SMURF2: variants seen among roughly 807,000 people sequenced by gnomAD.
SMURF2 encodes E3 ubiquitin-protein ligase SMURF2.
In SMURF2, 48 loss-of-function variants were observed where a neutral mutation model predicts 109.6. The ratio of observed to expected loss-of-function variants is 0.44; its 90% CI spans 0.35 to 0.56. SMURF2 has a LOEUF of 0.56. Ranked by LOEUF, SMURF2 falls within the 20% of genes least tolerant of loss-of-function variation. The pLI, the probability that SMURF2 is intolerant of heterozygous loss-of-function variation, is 0.01. For synonymous variants in SMURF2, 288 were observed against 317.1 expected, an observed-to-expected ratio of 0.91 and a Z score of 0.97; for missense variants, 575 against 909.0, an observed-to-expected ratio of 0.63 and a Z score of 4.72.
chr17:64,591,249 C>CA, intron 4 of SMURF2, 100 bp from the exon 5 acceptor site: 1 of 841,932 alleles, frequency 1.2e-6, no homozygotes, highest in Non-Finnish European at 1.9e-6. Flanking sequence ...CATTAGAAAT[C>CA]AAACCTATCA....
At chr17:64,642,464 T>C (rs1555692653) in intron 1 of SMURF2, among the ~76,000 whole-genome samples, 1 of 152,236 alleles carries the variant, frequency 6.6e-6, no homozygotes, top group Non-Finnish European at 1.5e-5. Context: ...TAGTTATTTA[T>C]TATGGCCTAA....
intron 17 of SMURF2, among the ~76,000 whole-genome samples, chr17:64,546,599 C>A (rs1484254302): frequency 6.6e-6 from 1 of 152,178 alleles, no homozygotes; most frequent in East Asian, 1.9e-4. Context: ...TTCTCAATTT[C>A]TATCTTTTAT....
intron 15 of SMURF2, among the ~76,000 whole-genome samples, chr17:64,552,276 A>G (rs1969056291): frequency 6.6e-6 from 1 of 152,234 alleles, no homozygotes; most frequent in Non-Finnish European, 1.5e-5. Flanking sequence ...ATGTAATTTT[A>G]CCAATAAAAA....
intron 1 of SMURF2, among the ~76,000 whole-genome samples, chr17:64,636,634 C>T (rs1158341933): frequency 3.8e-5 from 5 of 132,952 alleles, no homozygotes; most frequent in Non-Finnish European, 7.9e-5. Context: ...AAAAAATTAG[C>T]TGGGCATGGT....
At chr17:64,632,027 G>A (rs539000418) in intron 1 of SMURF2, among the ~76,000 whole-genome samples, 18 of 135,304 alleles carry the variant, frequency 1.3e-4, no homozygotes, top group East Asian at 1.1e-3. Context: ...TTGCGATCTC[G>A]GCTCACTGCC....
At chr17:64,603,921 T>C (rs1427055800) in intron 2 of SMURF2, among the ~76,000 whole-genome samples, 4 of 152,356 alleles carry the variant, frequency 2.6e-5, no homozygotes, top group South Asian at 2.1e-4. Context: ...CATCACCCTA[T>C]AGTCGTACTT....
chr17:64,579,777 T>C (rs1044797730), intron 8 of SMURF2, among the ~76,000 whole-genome samples: 3 of 152,172 alleles, frequency 2.0e-5, no homozygotes, highest in Admixed American at 6.5e-5. Context: ...GAGGATAAAA[T>C]TGAGGCTCAA....
chr17:64,548,684 G>A (rs781875019), intron 16 of SMURF2, among the ~76,000 whole-genome samples: 2 of 152,028 alleles, frequency 1.3e-5, no homozygotes, highest in Non-Finnish European at 2.9e-5. Flanking sequence ...CACTACACCT[G>A]GCCTACATTT....
rs990617932 is a variant in SMURF2 at position 64,579,167 on chromosome 17, G to A, written c.773-591C>T. 3.3e-5 allele frequency among the ~76,000 whole-genome samples: 5 copies of A among 152,146 alleles called. No individual in the cohort carries two copies. In the East Asian group the frequency reaches 5.8e-4, roughly 18 times the overall value. On this transcript the variant is annotated intron_variant, in intron 8 of 18. Coordinates refer to ENST00000262435, the MANE Select transcript of SMURF2 (RefSeq NM_022739.4). Reference sequence around the variant, plus strand: ...AAGAAGAGGACTAAAGAGCAAGCACGCACACTGGGGAGAAAAAAGTCAAGG... The same window carrying A: ...AAGAAGAGGACTAAAGAGCAAGCACACACACTGGGGAGAAAAAAGTCAAGG...
intron 2 of SMURF2, among the ~76,000 whole-genome samples, chr17:64,599,508 C>T (rs1399841778): frequency 6.6e-6 from 1 of 152,140 alleles, no homozygotes; most frequent in African/African-American, 2.4e-5. Context: ...CACCATGGGC[C>T]GGTACAGGTT....
At chr17:64,602,334 T>A (rs1555688654) in intron 2 of SMURF2, among the ~76,000 whole-genome samples, 1 of 151,946 alleles carries the variant, frequency 6.6e-6, no homozygotes, top group East Asian at 1.9e-4. Flanking sequence ...AATAAAAAAA[T>A]AAAATAATAA....
chr17:64,573,146 G>A (rs1969426079), intron 9 of SMURF2: 1 of 47,228 alleles, frequency 2.1e-5, no homozygotes, highest in Non-Finnish European at 3.8e-5. Flanking sequence ...AGGAGGAGGA[G>A]GAGGAGGAGG....
chr17:64,582,890 T>C (rs553293637), intron 7 of SMURF2, among the ~76,000 whole-genome samples: 1 of 151,396 alleles, frequency 6.6e-6, no homozygotes, highest in Non-Finnish European at 1.5e-5. Flanking sequence ...TGAGCCACCA[T>C]GCTTGGCCAA....
chr17:64,651,733 G>T (rs1478803855), intron 1 of SMURF2, among the ~76,000 whole-genome samples: 1 of 152,086 alleles, frequency 6.6e-6, no homozygotes, highest in Non-Finnish European at 1.5e-5. Flanking sequence ...GACCAGCCTG[G>T]GTAACACAGT....
chr17:64,658,743 A>G (rs1970735904), intron 1 of SMURF2, among the ~76,000 whole-genome samples: 1 of 152,224 alleles, frequency 6.6e-6, no homozygotes. Context: ...AAATTATCCC[A>G]AAGTTTTTAC....
intron 1 of SMURF2, among the ~76,000 whole-genome samples, chr17:64,629,317 A>G (rs530687003): frequency 1.3e-5 from 2 of 152,332 alleles, no homozygotes; most frequent in Non-Finnish European, 2.9e-5. Context: ...CTTGAACAAC[A>G]TAGTGAGACC....
At chr17:64,656,945 A>G (rs1309847281) in intron 1 of SMURF2, among the ~76,000 whole-genome samples, 1 of 152,184 alleles carries the variant, frequency 6.6e-6, no homozygotes, top group African/African-American at 2.4e-5. Context: ...AAACTACAGT[A>G]AGGTCCAAAC....
At chr17:64,566,587 TTTTTG>T (rs1555685027) in intron 10 of SMURF2, among the ~76,000 whole-genome samples, 2 of 119,994 alleles carry the variant, frequency 1.7e-5, no homozygotes, top group Non-Finnish European at 3.7e-5. Flanking sequence ...TTTTTTTTTT[TTTTTG>T]AGACAGTCTC....
intron 1 of SMURF2, 23 bp from the exon 2 acceptor site, chr17:64,606,663 A>T (rs1310459066): frequency 2.0e-6 from 3 of 1,474,402 alleles, no homozygotes; most frequent in African/African-American, 2.9e-5. Flanking sequence ...AAAACAAAAA[A>T]TACATGGGAA....
Sources: allele counts gnomAD v4.1 joint callset (sites outside exome capture counted in the v4.1 genomes callset), GRCh38; gene constraint gnomAD v4.1.1; transcripts MANE v1.5; gene names NCBI Gene and HGNC (gene_info 2026-07-23, HGNC 2026-07-21).